RIN2: variants seen among roughly 807,000 people sequenced by gnomAD.
The protein encoded by RIN2 is Ras and Rab interactor 2.
In RIN2, 36 loss-of-function variants were observed where a neutral mutation model predicts 78.0. The observed-to-expected ratio is 0.46, with a 90% CI of 0.35 to 0.61. RIN2 has a LOEUF of 0.61. RIN2 is among the 20% of genes least tolerant of loss of function. RIN2 has a pLI of 0.00. For missense variants in RIN2, 1,087 were observed against 1,159.7 expected, an observed-to-expected ratio of 0.94 and a Z score of 0.91; for synonymous variants, 466 against 466.8, an observed-to-expected ratio of 1.00 and a Z score of 0.02.
chr20:19,903,903 T>C (rs2039098239), intron 3 of RIN2, among the ~76,000 whole-genome samples: 2 of 152,188 alleles, frequency 1.3e-5, no homozygotes, highest in Non-Finnish European at 2.9e-5. Flanking sequence ...TTACTGAATT[T>C]GTATTACCTG....
At chr20:19,968,320 CTG>C (rs1192946473) in intron 7 of RIN2, among the ~76,000 whole-genome samples, 2 of 152,188 alleles carry the variant, frequency 1.3e-5, no homozygotes, top group African/African-American at 2.4e-5. Flanking sequence ...TAAATCTAGA[CTG>C]TACATGTTTT....
intron 2 of RIN2, among the ~76,000 whole-genome samples, chr20:19,843,951 A>G (rs974805236): frequency 6.6e-6 from 1 of 152,228 alleles, no homozygotes; most frequent in Non-Finnish European, 1.5e-5. Context: ...TTGACTCATT[A>G]ACTATTCATA....
At chr20:19,922,679 T>G (rs916856964) in intron 3 of RIN2, among the ~76,000 whole-genome samples, 3 of 152,138 alleles carry the variant, frequency 2.0e-5, no homozygotes, top group Non-Finnish European at 2.9e-5. Context: ...AGTCCATCCA[T>G]GCTTCTCAGA....
In RIN2 at chr20:19,870,652, A is replaced by AT. The variant is rs141476401; in HGVS notation, c.-36-18914_-36-18913insT. The stretch of plus-strand genomic sequence containing the variant: ...ATAGCATTAGACTCTTTCAAAAAAA[A>AT]GAAAGAAAGAAAGAAAAAATGGTTC... On this transcript the variant is annotated intron_variant, in intron 2 of 12. Transcript: ENST00000255006. 4.2e-3 allele frequency among the ~76,000 whole-genome samples: 640 copies of AT among 152,348 alleles called. 2 individuals are homozygous for AT. Among genetic ancestry groups the AT allele is most frequent in the Non-Finnish European group, 7.1e-3 (485 of 68,030 alleles).
chr20:19,806,708 G>A (rs1306079183), intron 2 of RIN2, among the ~76,000 whole-genome samples: 2 of 152,110 alleles, frequency 1.3e-5, no homozygotes, highest in African/African-American at 2.4e-5. Flanking sequence ...ATCAGCCTGG[G>A]TAACATGGTG....
At chr20:19,994,655 A>C (rs950605308) in intron 11 of RIN2, among the ~76,000 whole-genome samples, 16 of 152,168 alleles carry the variant, frequency 1.1e-4, no homozygotes, top group Non-Finnish European at 1.9e-4. Context: ...AGATTGTAAC[A>C]GTTCTCCGAG....
chr20:19,801,467 C>A (rs1472289530), intron 2 of RIN2, among the ~76,000 whole-genome samples: 1 of 151,978 alleles, frequency 6.6e-6, no homozygotes, highest in Non-Finnish European at 1.5e-5. Flanking sequence ...ACTACAGGCC[C>A]CCACCACCAC....
intron 6 of RIN2, 51 bp from the exon 7 acceptor site, chr20:19,964,901 C>A: frequency 6.6e-7 from 1 of 1,510,476 alleles, no homozygotes; most frequent in South Asian, 1.1e-5. Flanking sequence ...CTCTTCCTGT[C>A]CCAGAACGTG....
chr20:19,962,051 A>G (rs1383180745), intron 6 of RIN2, among the ~76,000 whole-genome samples: 2 of 151,968 alleles, frequency 1.3e-5, no homozygotes, highest in Non-Finnish European at 2.9e-5. Context: ...CTGTAATCCT[A>G]GCACTTTGGG....
intron 4 of RIN2, among the ~76,000 whole-genome samples, chr20:19,946,737 A>T (rs943923258): frequency 7.2e-6 from 1 of 139,324 alleles, no homozygotes; most frequent in African/African-American, 2.9e-5. Context: ...AAAAAAAGGG[A>T]AAAGCAAATT....
intron 3 of RIN2, among the ~76,000 whole-genome samples, chr20:19,921,347 C>T (rs538925577): frequency 2.0e-5 from 3 of 152,286 alleles, no homozygotes; most frequent in South Asian, 2.1e-4. Context: ...GGATGCCACA[C>T]GTCAGCAACT....
At chr20:19,782,280 G>C (rs1426007868) in intron 1 of RIN2, among the ~76,000 whole-genome samples, 1 of 152,142 alleles carries the variant, frequency 6.6e-6, no homozygotes, top group African/African-American at 2.4e-5. Flanking sequence ...ATTTTAAAAT[G>C]TTAGCCAGCC....
At chr20:19,768,312 G>C (rs1187805512) in intron 1 of RIN2, among the ~76,000 whole-genome samples, 1 of 152,246 alleles carries the variant, frequency 6.6e-6, no homozygotes, top group Non-Finnish European at 1.5e-5. Context: ...AAGGGGGCCA[G>C]AGGCAAGGAA....
At chr20:19,851,869 T>C (rs1049069934) in intron 2 of RIN2, among the ~76,000 whole-genome samples, 2 of 152,148 alleles carry the variant, frequency 1.3e-5, no homozygotes, top group Non-Finnish European at 2.9e-5. Context: ...CTCAGAGGTA[T>C]ACAACAACAA....
chr20:19,962,085 G>A (rs1249516397), intron 6 of RIN2, among the ~76,000 whole-genome samples: 7 of 151,222 alleles, frequency 4.6e-5, no homozygotes, highest in African/African-American at 1.7e-4. Flanking sequence ...AGGGTTGCTT[G>A]AGCTCAGGAA....
chr20:19,890,315 G>A (rs1410380896), intron 3 of RIN2, among the ~76,000 whole-genome samples: 1 of 152,070 alleles, frequency 6.6e-6, no homozygotes, highest in Non-Finnish European at 1.5e-5. Context: ...TGAAGACTTG[G>A]TGGTCGCTTC....
intron 4 of RIN2, among the ~76,000 whole-genome samples, chr20:19,944,655 T>C (rs1328660775): frequency 1.3e-5 from 2 of 152,062 alleles, no homozygotes; most frequent in East Asian, 1.9e-4. Flanking sequence ...ATGATATACA[T>C]GGAAATTTTA....
At chr20:19,899,869 A>G (rs569427759) in intron 3 of RIN2, among the ~76,000 whole-genome samples, 7 of 152,298 alleles carry the variant, frequency 4.6e-5, no homozygotes, top group East Asian at 1.9e-4. Flanking sequence ...CTCAGGAGCA[A>G]TTACTCAAAG....
At chr20:19,934,606 C>T (rs1006823243) in intron 3 of RIN2, 6 of 982,738 alleles carry the variant, frequency 6.1e-6, no homozygotes, top group Non-Finnish European at 7.2e-6. Flanking sequence ...ATTTTGATGT[C>T]GTCAGAAATC....
Sources: gnomAD v4.1 joint callset for allele counts (sites outside exome capture counted in the v4.1 genomes callset) on GRCh38, gnomAD v4.1.1 for gene constraint, MANE v1.5 for transcripts, NCBI Gene and HGNC (gene_info 2026-07-23, HGNC 2026-07-21) for gene names.